Variants in COL4A4 observed in about 807,000 individuals in gnomAD.
The protein encoded by COL4A4 is collagen alpha-4(IV) chain.
COL4A4 carries 105 observed loss-of-function variants against 192.9 expected under a neutral mutation model. That is an observed-to-expected ratio of 0.54 (90% CI 0.46 to 0.64). The LOEUF (loss-of-function observed/expected upper bound fraction) is 0.64, where lower values mean the gene tolerates loss of function less well. Ranked by LOEUF, COL4A4 falls within the 30% of genes least tolerant of loss-of-function variation. COL4A4 has a pLI of 0.00. For synonymous variants in COL4A4, 762 were observed against 769.9 expected, an observed-to-expected ratio of 0.99 and a Z score of 0.17; for missense variants, 1,967 against 2,169.3, an observed-to-expected ratio of 0.91 and a Z score of 1.85.
At chr2:227,041,406 G>A (rs932419933) in intron 37 of COL4A4, among the ~76,000 whole-genome samples, 2 of 151,934 alleles carry the variant, frequency 1.3e-5, no homozygotes, top group African/African-American at 4.8e-5. Flanking sequence ...TCAGGAGGCC[G>A]AGGCGGGTGG....
chr2:227,063,251 T>C (rs1977586873), intron 25 of COL4A4, among the ~76,000 whole-genome samples: 2 of 152,174 alleles, frequency 1.3e-5, no homozygotes, highest in South Asian at 4.1e-4. Flanking sequence ...TCTAGAGAGA[T>C]AGATATCACC....
At chr2:227,041,771 G>GGAAAGA (rs1559475715) in intron 37 of COL4A4, among the ~76,000 whole-genome samples, 3 of 97,986 alleles carry the variant, frequency 3.1e-5, no homozygotes, top group Non-Finnish European at 6.1e-5. Context: ...AGGAAGGAAG[G>GGAAAGA]AAGGAAGGAA....
chr2:227,062,687 T>C, intron 25 of COL4A4, 89 bp from the exon 26 acceptor site: 1 of 917,212 alleles, frequency 1.1e-6, no homozygotes, highest in Non-Finnish European at 1.8e-6. Context: ...TCAAGATATT[T>C]TTCTGTATAG....
intron 18 of COL4A4, 25 bp from the exon 19 acceptor site, chr2:227,098,823 A>G: frequency 6.5e-7 from 1 of 1,548,962 alleles, no homozygotes; most frequent in Non-Finnish European, 8.9e-7. Flanking sequence ...GGTACATGAG[A>G]ATAAACAAAT....
intron 21 of COL4A4, 89 bp from the exon 22 acceptor site, chr2:227,088,905 G>T: frequency 6.8e-7 from 1 of 1,465,252 alleles, no homozygotes; most frequent in Non-Finnish European, 9.5e-7. Flanking sequence ...TAGCATAAAT[G>T]AAGAACAAAG....
chr2:227,008,339 G>A, intron 46 of COL4A4, 35 bp from the exon 47 acceptor site: 1 of 1,609,632 alleles, frequency 6.2e-7, no homozygotes, highest in Non-Finnish European at 8.5e-7. Flanking sequence ...TGGTGTCCAA[G>A]CACCCCATGT....
Position 227,032,172 on chromosome 2 carries a change from T to C in COL4A4, c.3682A>G (p.Lys1228Glu), listed in dbSNP as rs2149980446. The change falls in exon 39 of 48, where the codon AAG becomes GAG. Residue 1228 changes from lysine (K) to glutamate (E), a missense_variant. Lys to Glu is a moderately conservative substitution (Grantham distance 56, BLOSUM62 1). Transcript: ENST00000396625. ...PGISPPGPRG[K>E]KGPPGPPGSS... ...CCTGGGGGTCCTGGGGGACCTTTCT[T>C]TCCACGAGGACCTGGAGGAGAGATT... is the stretch of plus-strand genomic sequence containing the variant. 1 of 1,614,190 alleles carries C rather than the reference T, an allele frequency of 6.2e-7. No individual in the cohort carries two copies. Among genetic ancestry groups the C allele is most frequent in the Non-Finnish European group, 8.5e-7 (1 of 1,180,004 alleles).
rs1425551756 is a variant in COL4A4, at chr2:227,089,915, T to C, written c.1412A>G (p.Lys471Arg). The change falls in exon 21 of 48, where the codon AAA becomes AGA. Residue 471 changes from lysine (K) to arginine (R), a missense_variant. Coordinates refer to ENST00000396625, the MANE Select transcript of COL4A4 (RefSeq NM_000092.5). The part of the protein sequence containing the change: ...SVGNPGPQGI[K>R]GKVGPPGGRG... The stretch of plus-strand genomic sequence containing the variant: ...TCCTCCTGGGGGACCAACTTTGCCT[T>C]TTATTCCTTGTGGTCCGGGGTTCCC... 1 of 1,613,760 alleles carries C rather than the reference T, an allele frequency of 6.2e-7. No homozygotes were observed. The highest frequency in any genetic ancestry group is 1.7e-5 in the Admixed American group (1 of 59,996).
chr2:227,120,916 G>T, intron 5 of COL4A4, 98 bp downstream of exon 5: 1 of 1,502,002 alleles, frequency 6.7e-7, no homozygotes, highest in Non-Finnish European at 9.2e-7. Flanking sequence ...TCTAGCCTGA[G>T]TGACAGAGTA....
intron 13 of COL4A4, 75 bp from the exon 14 acceptor site, chr2:227,103,272 ATC>A (rs1217297902): frequency 1.7e-6 from 2 of 1,177,764 alleles, no homozygotes; most frequent in Non-Finnish European, 2.5e-6. Context: ...TTCAGAAATC[ATC>A]TCTTTTTACA....
chr2:227,025,184 A>G (rs1966761906), intron 43 of COL4A4, among the ~76,000 whole-genome samples: 1 of 152,246 alleles, frequency 6.6e-6, no homozygotes. Flanking sequence ...CTAATAACAG[A>G]GGCCTGGAAA....
chr2:227,082,025 G>T, intron 23 of COL4A4, 90 bp downstream of exon 23: 2 of 1,087,874 alleles, frequency 1.8e-6, no homozygotes, highest in South Asian at 2.5e-5. Context: ...GTATAGAATT[G>T]ATCTATGGTC....
At chr2:227,071,614 T>C (rs1334981411) in intron 25 of COL4A4, among the ~76,000 whole-genome samples, 1 of 152,128 alleles carries the variant, frequency 6.6e-6, no homozygotes, top group African/African-American at 2.4e-5. Flanking sequence ...CTCAGAAGCA[T>C]GGAACATTCT....
At chr2:227,059,336 C>A (rs534173039) in intron 28 of COL4A4, 69 bp downstream of exon 28, 1 of 1,292,034 alleles carries the variant, frequency 7.7e-7, no homozygotes, top group African/African-American at 1.5e-5. Flanking sequence ...ATAATCTAAA[C>A]GTTCTTCAGT....
intron 2 of COL4A4, 31 bp downstream of exon 2, chr2:227,147,382 A>G: frequency 6.3e-7 from 1 of 1,596,226 alleles, no homozygotes; most frequent in Non-Finnish European, 8.6e-7. Context: ...ATTACTAAAT[A>G]AAAGCAGGCA....
At chr2:227,076,638 T>A (rs1043145610) in intron 25 of COL4A4, among the ~76,000 whole-genome samples, 1 of 152,100 alleles carries the variant, frequency 6.6e-6, no homozygotes, top group African/African-American at 2.4e-5. Flanking sequence ...AATTGACAAA[T>A]GGGATCTAAT....
intron 4 of COL4A4, among the ~76,000 whole-genome samples, chr2:227,139,219 C>T (rs2063029813): frequency 1.3e-5 from 2 of 152,154 alleles, no homozygotes; most frequent in African/African-American, 2.4e-5. Flanking sequence ...GGTTCCCACC[C>T]TCCTGGACTG....
At chr2:227,136,645 T>C (rs2062832048) in intron 4 of COL4A4, among the ~76,000 whole-genome samples, 1 of 152,176 alleles carries the variant, frequency 6.6e-6, no homozygotes, top group South Asian at 2.1e-4. Flanking sequence ...TCCTCTCCAG[T>C]TAAATTGCGA....
the COL4A4 span, among the ~76,000 whole-genome samples, chr2:226,971,025 A>G: frequency 1.3e-5 from 2 of 152,194 alleles, no homozygotes; most frequent in African/African-American, 4.8e-5. Context: ...AATAGTTGAG[A>G]TGGTACATTT....
Sources: allele counts gnomAD v4.1 joint callset (sites outside exome capture counted in the v4.1 genomes callset), GRCh38; gene constraint gnomAD v4.1.1; transcripts MANE v1.5; gene names NCBI Gene and HGNC (gene_info 2026-07-23, HGNC 2026-07-21).